IRF8: variants seen among roughly 807,000 people sequenced by gnomAD.
IRF8 encodes interferon consensus sequence binding protein 1.
Under a neutral mutation model 48.7 loss-of-function variants are expected in IRF8, and 14 were observed. The ratio of observed to expected loss-of-function variants is 0.29; its 90% CI spans 0.19 to 0.45. The LOEUF (loss-of-function observed/expected upper bound fraction) is 0.45. Among genes scored for constraint, IRF8 ranks in the 20% least tolerant of loss-of-function variants. The pLI, the probability that IRF8 is intolerant of heterozygous loss-of-function variation, is 1.00. For missense variants in IRF8, 493 were observed against 580.7 expected (o/e 0.85, Z 1.55); for synonymous variants, 278 against 227.3 (o/e 1.22, Z -2.01).
In IRF8 at chr16:85,909,188, T is replaced by C. The variant is rs1228770114; in HGVS notation, c.358+15T>C. On this transcript the variant is annotated intron_variant, in intron 3 of 8. Coordinates refer to ENST00000268638, the MANE Select transcript of IRF8 (RefSeq NM_002163.4). ...AGAGCAAAAATGTAACTATCCTTTA[T>C]GGGCATGAAACCTTCCAGAAGCTGC... 2.5e-6 allele frequency: 4 copies of C among 1,612,772 alleles called. No homozygotes were observed. The highest frequency in any genetic ancestry group is 3.4e-6 in the Non-Finnish European group (4 of 1,179,094).
Position 85,915,773 on chromosome 16 carries a change from A to C in IRF8, c.601+1253A>C, listed in dbSNP as rs143200031. 4.7e-3 allele frequency among the ~76,000 whole-genome samples: 709 copies of C among 152,160 alleles called. 4 individuals are homozygous for C. Among genetic ancestry groups the C allele is most frequent in the Middle Eastern group, 0.02 (6 of 294 alleles). Reference sequence around the variant, plus strand: ...CAGTGCTTTCCGGGGGCTGTGGAGTAGCCAGGCACAGAACTGAGCCATCTC... The same window carrying C: ...CAGTGCTTTCCGGGGGCTGTGGAGTCGCCAGGCACAGAACTGAGCCATCTC... On this transcript the variant is annotated intron_variant, in intron 6 of 8. Transcript: ENST00000268638.
chr16:85,915,330 A>C (rs1180797312), intron 6 of IRF8, among the ~76,000 whole-genome samples: 1 of 152,192 alleles, frequency 6.6e-6, no homozygotes. Flanking sequence ...GTCTCATCAG[A>C]TGGGCCACAG....
At chr16:85,904,653 C>A (rs768496174) in intron 2 of IRF8, among the ~76,000 whole-genome samples, 1 of 152,080 alleles carries the variant, frequency 6.6e-6, no homozygotes, top group Non-Finnish European at 1.5e-5. Flanking sequence ...GCTTTGCACT[C>A]ACTTTCGAGG....
chr16:85,916,119 G>C (rs1905297079), intron 6 of IRF8, among the ~76,000 whole-genome samples: 1 of 152,160 alleles, frequency 6.6e-6, no homozygotes, highest in Non-Finnish European at 1.5e-5. Context: ...CATTTGTCCT[G>C]TTACCCAGTT....
Position 85,918,694 on chromosome 16 carries a change from C to T in IRF8, c.879C>T (p.Cys293=). The T allele has an allele frequency of 6.2e-7, 1 of 1,612,002 alleles. No homozygotes were observed. Reference sequence around the variant, plus strand: ...AGGGCGTGTTCGTCAAGCGGCTGTGCCAGGGCCGCGTGTTCTGCAGCGGCA... The same window carrying T: ...AGGGCGTGTTCGTCAAGCGGCTGTGTCAGGGCCGCGTGTTCTGCAGCGGCA... ...SRQGVFVKRL[C]QGRVFCSGNA... Residue 293 remains cysteine, a synonymous_variant, in exon 7 of 9, where the codon TGC becomes TGT. Transcript: ENST00000268638.
intron 2 of IRF8, among the ~76,000 whole-genome samples, chr16:85,907,153 A>G (rs1284888662): frequency 6.6e-6 from 1 of 152,238 alleles, no homozygotes; most frequent in Non-Finnish European, 1.5e-5. Flanking sequence ...ACTACCACTT[A>G]TGCTCACTAA....
intron 2 of IRF8, among the ~76,000 whole-genome samples, chr16:85,904,875 A>G (rs1041940820): frequency 2.1e-5 from 3 of 143,300 alleles, no homozygotes; most frequent in African/African-American, 5.5e-5. Flanking sequence ...AGGACTGCAA[A>G]TGTAAACAGT....
chr16:85,899,584 A>C (rs1300002540), intron 1 of IRF8, among the ~76,000 whole-genome samples: 1 of 151,914 alleles, frequency 6.6e-6, no homozygotes, highest in Admixed American at 6.6e-5. Flanking sequence ...CTGAAATTCT[A>C]CCACGTGGAA....
At chr16:85,912,842 A>G (rs1905185877) in intron 4 of IRF8, among the ~76,000 whole-genome samples, 2 of 152,170 alleles carry the variant, frequency 1.3e-5, no homozygotes, top group East Asian at 1.9e-4. Flanking sequence ...GCAATTGGAT[A>G]ATCTGGAACA....
rs1905592269 is a variant in IRF8, at chr16:85,922,032, TG to T, written c.*752del. On this transcript the variant is annotated 3_prime_UTR_variant, in exon 9 of 9. Transcript: ENST00000268638. ...AGATACCTCTTTTCTTCTTTCCAAA[TG>T]GTTTTCACATGTGTTTGAAATATTT... 6.6e-6 allele frequency: 1 copy of T among 152,428 alleles called. No individual in the cohort carries two copies. The highest frequency in any genetic ancestry group is 6.5e-5 in the Admixed American group (1 of 15,280). 9.4% of individuals were successfully genotyped at this position (152,428 alleles called of 1,614,324 possible).
chr16:85,911,867 C>G (rs543424998), intron 4 of IRF8, among the ~76,000 whole-genome samples: 51 of 152,392 alleles, frequency 3.3e-4, no homozygotes, highest in African/African-American at 1.2e-3. Context: ...GTCAACCCCT[C>G]ACGCCAGATC....
intron 2 of IRF8, 28 bp from the exon 3 acceptor site, chr16:85,908,962 T>A: frequency 1.9e-6 from 3 of 1,604,552 alleles, no homozygotes; most frequent in Non-Finnish European, 2.6e-6. Context: ...CGGCCATGAA[T>A]TTAATGTGCT....
At position 85,918,361 on chromosome 16, in the gene IRF8, G is replaced by C. The variant is rs754894066; in HGVS notation, c.602-56G>C. 3.8e-6 allele frequency: 6 copies of C among 1,568,810 alleles called. No homozygotes were observed. The South Asian group carries it at 5.8e-5, about 15-fold the overall frequency. On this transcript the variant is annotated intron_variant, in intron 6 of 8. Coordinates refer to ENST00000268638, the MANE Select transcript of IRF8 (RefSeq NM_002163.4). ...GTGAGACAGACTGTGCACTTGGGCA[G>C]GAGGGACCCTGTATGTCTCCCCGCA... is the stretch of plus-strand genomic sequence containing the variant.
At chr16:85,913,500 C>CCG (rs2059688786) in intron 5 of IRF8, among the ~76,000 whole-genome samples, 1 of 152,208 alleles carries the variant, frequency 6.6e-6, no homozygotes, top group African/African-American at 2.4e-5. Context: ...GCCAGCTCTC[C>CCG]CCACGCTCCT....
At chr16:85,909,248 T>TACCCCAGACCCAA in intron 3 of IRF8, 75 bp downstream of exon 3, 1 of 1,237,032 alleles carries the variant, frequency 8.1e-7, no homozygotes, top group Non-Finnish European at 1.2e-6. Flanking sequence ...AACTTGGGTC[T>TACCCCAGACCCAA]GGGGTAGACA....
chr16:85,905,394 T>C (rs1024709301), intron 2 of IRF8, among the ~76,000 whole-genome samples: 3 of 152,220 alleles, frequency 2.0e-5, no homozygotes, highest in African/African-American at 7.2e-5. Flanking sequence ...GATTTATACA[T>C]CTTATGCAAT....
chr16:85,910,300 C>T (rs968003041), intron 3 of IRF8, among the ~76,000 whole-genome samples: 3 of 152,148 alleles, frequency 2.0e-5, no homozygotes, highest in Non-Finnish European at 1.5e-5. Flanking sequence ...GTAGCCTAAT[C>T]GTCTGCAATT....
chr16:85,909,966 T>G (rs976122887), intron 3 of IRF8: 2 of 152,266 alleles, frequency 1.3e-5, no homozygotes, highest in Non-Finnish European at 2.9e-5. Flanking sequence ...GGCTTTCTCC[T>G]TCTAAGCTTC....
At chr16:85,920,012 C>A in intron 7 of IRF8, 97 bp from the exon 8 acceptor site, 1 of 891,974 alleles carries the variant, frequency 1.1e-6, no homozygotes, top group East Asian at 2.6e-5. Flanking sequence ...CTAAATGCTA[C>A]AAGCCCTGGG....
Sources: gnomAD v4.1 joint callset for allele counts (sites outside exome capture counted in the v4.1 genomes callset) on GRCh38, gnomAD v4.1.1 for gene constraint, MANE v1.5 for transcripts, NCBI Gene and HGNC (gene_info 2026-07-23, HGNC 2026-07-21) for gene names.